The following TEX11 variants were observed in gnomAD, a reference collection of about 807,000 sequenced individuals.
TEX11 encodes testis-expressed protein 11.
A neutral mutation model predicts 84.4 loss-of-function variants in TEX11; 7 were observed. The observed-to-expected ratio is 0.08, with a 90% CI of 0.05 to 0.16. The LOEUF is 0.16. Among genes scored for constraint, TEX11 ranks in the 10% least tolerant of loss-of-function variants. The pLI, the probability that TEX11 is intolerant of heterozygous loss-of-function variation, is 1.00. For synonymous variants in TEX11, 264 were observed against 222.8 expected (o/e 1.18, Z -1.64); for missense variants, 551 against 660.5 (o/e 0.83, Z 1.82).
At chrX:70,511,521 A>G in the TEX11 span, among the ~76,000 whole-genome samples, 3,592 of 106,325 alleles carry the variant, frequency 0.034, 122 homozygotes, top group African/African-American at 0.052. Flanking sequence ...TTGGGAGGCC[A>G]AGGCGGGTGG....
At chrX:70,628,857 A>T (rs908319474) in intron 18 of TEX11, among the ~76,000 whole-genome samples, 6 of 112,550 alleles carry the variant, frequency 5.3e-5, no homozygotes, top group African/African-American at 1.9e-4. Flanking sequence ...TGTACATTTG[A>T]TGTAGAAAGC....
At chrX:70,553,467 G>C in intron 26 of TEX11, 53 bp from the exon 27 acceptor site, 1 of 857,424 alleles carries the variant, frequency 1.2e-6, no homozygotes, top group Non-Finnish European at 1.6e-6. Flanking sequence ...ACCCATCACA[G>C]TTTTCATCCC....
At chrX:70,760,447 A>G (rs924823014) in intron 9 of TEX11, among the ~76,000 whole-genome samples, 1 of 110,049 alleles carries the variant, frequency 9.1e-6, no homozygotes, top group African/African-American at 3.3e-5. Context: ...CAGAGGCTTC[A>G]GACACCACAC....
intron 13 of TEX11, among the ~76,000 whole-genome samples, chrX:70,718,865 C>T (rs1342284465): frequency 8.9e-6 from 1 of 111,906 alleles, no homozygotes; most frequent in African/African-American, 3.3e-5. Flanking sequence ...ATCCCAGCTT[C>T]AGAGCTCCCA....
chrX:70,762,539 C>T (rs1188826002), intron 9 of TEX11, among the ~76,000 whole-genome samples: 1 of 110,544 alleles, frequency 9.0e-6, no homozygotes, highest in African/African-American at 3.3e-5. Flanking sequence ...CATAGGAGCA[C>T]GAACCCTATT....
chrX:70,638,796 C>CAA (rs746998217), intron 17 of TEX11, among the ~76,000 whole-genome samples: 96 of 53,803 alleles, frequency 1.8e-3, no homozygotes, highest in South Asian at 4.8e-3. Flanking sequence ...GCAACTGTCT[C>CAA]AAAAAAAAAA....
chrX:70,618,603 CAGCT>C (rs2089346467), intron 20 of TEX11, among the ~76,000 whole-genome samples: 1 of 111,754 alleles, frequency 8.9e-6, no homozygotes, highest in Non-Finnish European at 1.9e-5. Context: ...GCCTTGAACA[CAGCT>C]AGCAAGTCAG....
intron 25 of TEX11, among the ~76,000 whole-genome samples, chrX:70,584,289 C>CA (rs143182132): frequency 0.084 from 4,515 of 53,589 alleles, 337 homozygotes; most frequent in African/African-American, 0.22. Flanking sequence ...GACTCCGTCT[C>CA]AAAAAAAAAA....
intron 17 of TEX11, among the ~76,000 whole-genome samples, chrX:70,637,417 T>C (rs1221495286): frequency 8.9e-6 from 1 of 112,802 alleles, no homozygotes; most frequent in Non-Finnish European, 1.9e-5. Context: ...TTACTGGGTA[T>C]ATACCCAAAG....
chrX:70,640,248 T>G (rs1228665272), intron 17 of TEX11, among the ~76,000 whole-genome samples: 13 of 108,085 alleles, frequency 1.2e-4, no homozygotes, highest in African/African-American at 4.3e-4. Flanking sequence ...GAGCAAAGCC[T>G]CCAAGAAATA....
chrX:70,795,902 T>G (rs1240554133), intron 9 of TEX11, among the ~76,000 whole-genome samples: 2 of 111,192 alleles, frequency 1.8e-5, no homozygotes, highest in Non-Finnish European at 3.8e-5. Flanking sequence ...AAGCCCAGAC[T>G]GCAAAGACTA....
At chrX:70,787,598 G>A (rs2091087538) in intron 9 of TEX11, among the ~76,000 whole-genome samples, 1 of 108,841 alleles carries the variant, frequency 9.2e-6, no homozygotes, top group South Asian at 4.0e-4. Context: ...CAAAGTGCTG[G>A]GATTACAGAT....
intron 8 of TEX11, among the ~76,000 whole-genome samples, chrX:70,811,728 T>C (rs1382042959): frequency 9.0e-6 from 1 of 110,723 alleles, no homozygotes; most frequent in Non-Finnish European, 1.9e-5. Context: ...CTAACTGGTG[T>C]GAGATGGTAT....
At chrX:70,783,337 A>G (rs947811776) in intron 9 of TEX11, among the ~76,000 whole-genome samples, 1 of 111,701 alleles carries the variant, frequency 9.0e-6, no homozygotes, top group Non-Finnish European at 1.9e-5. Context: ...AGCAGTGTGT[A>G]GAGGGAAATT....
chrX:70,807,151 G>A (rs2091223978), intron 8 of TEX11, among the ~76,000 whole-genome samples: 1 of 112,039 alleles, frequency 8.9e-6, no homozygotes, highest in African/African-American at 3.2e-5. Context: ...CTAAAACCCT[G>A]CTTTTGGTTG....
At chrX:70,575,027 C>T (rs1213502886) in intron 25 of TEX11, among the ~76,000 whole-genome samples, 1 of 111,011 alleles carries the variant, frequency 9.0e-6, no homozygotes, top group Non-Finnish European at 1.9e-5. Flanking sequence ...ATCTAAGGAC[C>T]GGATTATCTA....
At chrX:70,526,380 C>T (rs2087822597), downstream of TEX11, among the ~76,000 whole-genome samples, 2 of 110,411 alleles carry the variant, frequency 1.8e-5, no homozygotes, top group African/African-American at 3.3e-5. Context: ...ACTAGCCTGG[C>T]CAACATGGCG....
intron 11 of TEX11, among the ~76,000 whole-genome samples, chrX:70,737,280 G>C (rs778572518): frequency 9.0e-6 from 1 of 110,996 alleles, no homozygotes; most frequent in Non-Finnish European, 1.9e-5. Flanking sequence ...AAAAGTAATA[G>C]CAATACAAAA....
chrX:70,894,172 G>A (rs1317441551), intron 2 of TEX11, among the ~76,000 whole-genome samples: 3 of 110,756 alleles, frequency 2.7e-5, no homozygotes, highest in Non-Finnish European at 5.7e-5. Flanking sequence ...CATTCCTTCC[G>A]AAACTATTCC....
Sources: allele counts gnomAD v4.1 joint callset (sites outside exome capture counted in the v4.1 genomes callset), GRCh38; gene constraint gnomAD v4.1.1; transcripts MANE v1.5; gene names NCBI Gene and HGNC (gene_info 2026-07-23, HGNC 2026-07-21).